The following MYO1E variants were observed in gnomAD, a reference collection of about 807,000 sequenced individuals.
The protein encoded by MYO1E is myosin IE.
MYO1E carries 68 observed loss-of-function variants against 151.1 expected under a neutral mutation model. That is an observed-to-expected ratio of 0.45 (90% CI 0.37 to 0.55). MYO1E has a LOEUF of 0.55. MYO1E is among the 20% of genes least tolerant of loss of function. The pLI, the probability that MYO1E is intolerant of heterozygous loss-of-function variation, is 0.00. For missense variants in MYO1E, 1,363 were observed against 1,389.3 expected (o/e 0.98, Z 0.30); for synonymous variants, 601 against 501.7 (o/e 1.20, Z -2.64).
At chr15:59,176,294 T>C (rs534502501) in intron 19 of MYO1E, among the ~76,000 whole-genome samples, 73 of 152,202 alleles carry the variant, frequency 4.8e-4, no homozygotes, top group Admixed American at 1.4e-3. Context: ...TCTCCTGACC[T>C]CGTGATCTGC....
intron 27 of MYO1E, among the ~76,000 whole-genome samples, chr15:59,137,727 G>C (rs995443569): frequency 6.6e-6 from 1 of 152,220 alleles, no homozygotes; most frequent in Non-Finnish European, 1.5e-5. Context: ...AAGCCAGGAA[G>C]TGTGGGTGGG....
chr15:59,237,724 T>G (rs2080075554), intron 4 of MYO1E, among the ~76,000 whole-genome samples: 1 of 152,232 alleles, frequency 6.6e-6, no homozygotes, highest in Admixed American at 6.5e-5. Context: ...TGTTATCGAT[T>G]GCTGAGTTAC....
At chr15:59,293,333 G>T (rs1596403788) in intron 1 of MYO1E, among the ~76,000 whole-genome samples, 1 of 152,180 alleles carries the variant, frequency 6.6e-6, no homozygotes, top group East Asian at 1.9e-4. Context: ...TTAACTTGAG[G>T]TCAGGAGTTT....
intron 8 of MYO1E, among the ~76,000 whole-genome samples, chr15:59,223,925 C>T (rs180706071): frequency 6.6e-6 from 1 of 152,214 alleles, no homozygotes; most frequent in African/African-American, 2.4e-5. Flanking sequence ...TGTTTCCTGG[C>T]ACCCAGGACA....
In MYO1E at chr15:59,153,638, G is replaced by A. The variant is rs546147455; in HGVS notation, c.3032C>T (p.Thr1011Met). Residue 1011 changes from threonine to methionine, a missense_variant, in exon 26 of 28, where the codon ACG becomes ATG. By Grantham distance (81) the Thr-to-Met change is moderately conservative. Coordinates refer to ENST00000288235, the MANE Select transcript of MYO1E (RefSeq NM_004998.4). Reference protein sequence around the residue: ...QSTSSDRVSQTPESLDFLKVP... With the variant: ...QSTSSDRVSQMPESLDFLKVP... ...CTTGAGGAAATCCAGGCTCTCTGGC[G>A]TCTGTGACACTCGGTCTGAACTGGT... The A allele has an allele frequency of 2.6e-5, 42 of 1,614,150 alleles. No homozygotes were observed. The Middle Eastern group carries it at 6.6e-4, about 25-fold the overall frequency.
At chr15:59,173,530 C>A (rs1005665408) in intron 21 of MYO1E, among the ~76,000 whole-genome samples, 4 of 152,138 alleles carry the variant, frequency 2.6e-5, no homozygotes, top group African/African-American at 9.7e-5. Flanking sequence ...TGTATGTTTT[C>A]ATAAAAACAT....
intron 26 of MYO1E, 119 bp downstream of exon 26, chr15:59,153,471 G>T: frequency 8.9e-7 from 1 of 1,117,726 alleles, no homozygotes; most frequent in Non-Finnish European, 1.3e-6. Flanking sequence ...ATAGCACTGA[G>T]GTGGAAAACT....
chr15:59,207,975 A>G (rs1176518360), intron 14 of MYO1E: 1 of 1,614,166 alleles, frequency 6.2e-7, no homozygotes, highest in South Asian at 1.1e-5. Flanking sequence ...GTATCCTGGG[A>G]GAGAACGGTA....
chr15:59,207,824 G>A (rs2079849378), intron 14 of MYO1E: 1 of 1,614,020 alleles, frequency 6.2e-7, no homozygotes, highest in Non-Finnish European at 8.5e-7. Flanking sequence ...AAAATGAAAG[G>A]TTATACTTCT....
rs1467691013 is a variant in MYO1E at position 59,151,041 on chromosome 15, ACACACACACGCG to A, written c.3080+2537_3080+2548del. On this transcript the variant is annotated intron_variant, in intron 26 of 27. Coordinates refer to ENST00000288235, the MANE Select transcript of MYO1E (RefSeq NM_004998.4). ...CACACACACACACACACACACACAC[ACACACACACGCG>A]CGCGCGCGCACGTGCACTTAGAGAG... Among the ~76,000 whole-genome samples, 8 of 92,814 alleles carry A rather than the reference ACACACACACGCG, an allele frequency of 8.6e-5. 1 individual carries two copies. The highest frequency in any genetic ancestry group is 5.0e-4 in the African/African-American group (8 of 16,142). The allele number at this position is 92,814 out of a possible 152,430, so 60.9% of individuals were successfully genotyped here.
rs146079024 is a variant in MYO1E at position 59,167,050 on chromosome 15, G to A, written c.2481-3747C>T. Among the ~76,000 whole-genome samples the A allele has an allele frequency of 3.8e-3, 583 of 152,256 alleles. 6 individuals carry two copies. Among genetic ancestry groups the A allele is most frequent in the African/African-American group, 0.014 (561 of 41,546 alleles). On this transcript the variant is annotated intron_variant, in intron 22 of 27. Coordinates refer to ENST00000288235, the MANE Select transcript of MYO1E (RefSeq NM_004998.4). Reference sequence around the variant, plus strand: ...ATCCCATGATGTTGACAACTTCCAGGTTCCCAATGCTTACAGACCATAGCA... The same window carrying A: ...ATCCCATGATGTTGACAACTTCCAGATTCCCAATGCTTACAGACCATAGCA...
intron 26 of MYO1E, among the ~76,000 whole-genome samples, chr15:59,152,572 T>C (rs1449568757): frequency 2.0e-5 from 3 of 152,182 alleles, no homozygotes; most frequent in African/African-American, 7.2e-5. Context: ...CCTGTCACCG[T>C]CATTACCACC....
chr15:59,289,968 C>A (rs1345568661), intron 1 of MYO1E, among the ~76,000 whole-genome samples: 5 of 152,216 alleles, frequency 3.3e-5, no homozygotes, highest in African/African-American at 1.2e-4. Context: ...AAGAAGTGTG[C>A]CCCACAATGT....
At chr15:59,208,016 CT>C in intron 14 of MYO1E, 15 of 1,606,452 alleles carry the variant, frequency 9.3e-6, no homozygotes, top group Non-Finnish European at 1.3e-5. Flanking sequence ...AAGCTGACCC[CT>C]GAAGAAGAGG....
chr15:59,314,727 GA>G (rs2140413046), intron 1 of MYO1E, among the ~76,000 whole-genome samples: 1 of 152,160 alleles, frequency 6.6e-6, no homozygotes, highest in South Asian at 2.1e-4. Flanking sequence ...CTAGTGAGTG[GA>G]TACCAGGGAT....
intron 1 of MYO1E, among the ~76,000 whole-genome samples, chr15:59,369,870 G>A (rs749865911): frequency 6.6e-5 from 10 of 152,098 alleles, no homozygotes; most frequent in Non-Finnish European, 1.3e-4. Context: ...TATGCTACCA[G>A]ACTTCCTAAA....
chr15:59,311,180 T>C (rs529543687), intron 1 of MYO1E, among the ~76,000 whole-genome samples: 1 of 151,894 alleles, frequency 6.6e-6, no homozygotes, highest in Non-Finnish European at 1.5e-5. Context: ...AGAACAGCAG[T>C]CTCCAACGTT....
intron 1 of MYO1E, among the ~76,000 whole-genome samples, chr15:59,289,020 T>C (rs1185904879): frequency 6.6e-6 from 1 of 152,164 alleles, no homozygotes; most frequent in African/African-American, 2.4e-5. Flanking sequence ...CCTAAAATAT[T>C]GTAGCTGGAA....
At chr15:59,347,774 T>C (rs927530766) in intron 1 of MYO1E, among the ~76,000 whole-genome samples, 4 of 152,060 alleles carry the variant, frequency 2.6e-5, no homozygotes, top group Non-Finnish European at 5.9e-5. Flanking sequence ...CCACTAACCA[T>C]GCATTTGGAA....
Sources: allele counts gnomAD v4.1 joint callset (sites outside exome capture counted in the v4.1 genomes callset), GRCh38; gene constraint gnomAD v4.1.1; transcripts MANE v1.5; gene names NCBI Gene and HGNC (gene_info 2026-07-23, HGNC 2026-07-21).